UGT2B17: variants seen among roughly 807,000 people sequenced by gnomAD.
UGT2B17 encodes the protein UDP glucuronosyltransferase family 2 member B17, also known as UDP-glucuronosyltransferase 2B17.
UGT2B17 carries 21 observed loss-of-function variants against 48.2 expected under a neutral mutation model. The ratio of observed to expected loss-of-function variants is 0.44; its 90% CI spans 0.31 to 0.63. The LOEUF is 0.63. Ranked by LOEUF, UGT2B17 falls within the 20% of genes least tolerant of loss-of-function variation. The probability of loss-of-function intolerance (pLI) is 0.08; values close to 1 mark genes in which losing one functional copy is unlikely to be tolerated. For synonymous variants in UGT2B17, 146 were observed against 238.4 expected (o/e 0.61, Z 3.57); for missense variants, 402 against 696.1 (o/e 0.58, Z 4.75).
At chr4:68,561,336 G>T (rs754822413) in intron 3 of UGT2B17, among the ~76,000 whole-genome samples, 1 of 117,476 alleles carries the variant, frequency 8.5e-6, no homozygotes, top group Non-Finnish European at 1.7e-5. Flanking sequence ...AATCATTGAC[G>T]TTCATCAGTC....
Position 68,545,708 on chromosome 4 carries a change from A to C in UGT2B17, c.1313+4969T>G, listed in dbSNP as rs186651567. ...CTAATAAAGAAGAAAAGAGAGACGAATCAAATAGATGGAATAAAAATGATT... is the reference window on the plus strand; with the variant it reads ...CTAATAAAGAAGAAAAGAGAGACGACTCAAATAGATGGAATAAAAATGATT... On this transcript the variant is annotated intron_variant, in intron 6 of 6. Transcript: ENST00000317746. 7.7e-3 allele frequency among the ~76,000 whole-genome samples: 972 copies of C among 126,106 alleles called. 211 individuals carry two copies. Among genetic ancestry groups the C allele is most frequent in the African/African-American group, 0.025 (915 of 36,966 alleles). The allele number at this position is 126,106 out of a possible 152,430, so 82.7% of individuals were successfully genotyped here.
At position 68,557,990 on chromosome 4, in the gene UGT2B17, T is replaced by A. The variant is rs1560578799; in HGVS notation, c.1005+2547A>T. Among the ~76,000 whole-genome samples, 2 of 125,378 alleles carry A rather than the reference T, an allele frequency of 1.6e-5. 1 individual carries two copies. The highest frequency in any genetic ancestry group is 3.4e-5 in the Non-Finnish European group (2 of 59,172). 82.3% of individuals were successfully genotyped at this position (125,378 alleles called of 152,430 possible). On this transcript the variant is annotated intron_variant, in intron 4 of 6. Transcript: ENST00000317746. ...GAGAGGAATTCACCCAACTCATAGGTATTTGATGGTACAAATCTATGGCTT... is the reference window on the plus strand; with the variant it reads ...GAGAGGAATTCACCCAACTCATAGGAATTTGATGGTACAAATCTATGGCTT...
chr4:68,564,739 C>T (rs879314561), intron 3 of UGT2B17, among the ~76,000 whole-genome samples: 4 of 125,548 alleles, frequency 3.2e-5, no homozygotes, highest in Admixed American at 8.2e-5. Flanking sequence ...CTCACTCCGT[C>T]GCACAGGCTA....
chr4:68,537,675 A>T lies in UGT2B17; in HGVS notation c.1543T>A (p.Phe515Ile). 1.5e-6 allele frequency: 2 copies of T among 1,377,240 alleles called. 1 individual carries two copies. The highest frequency in any genetic ancestry group is 1.9e-6 in the Non-Finnish European group (2 of 1,053,614). The allele number at this position is 1,377,240 out of a possible 1,614,324, so 85.3% of individuals were successfully genotyped here. A position where few individuals can be genotyped will look rare whatever the true frequency, so the allele number is the denominator to read the frequency against. ...MIFMITKCCL[F>I]CFRKLAKTGK... Reference sequence around the variant, plus strand: ...GTTTTGGCAAGCTTTCGGAAACAAAACAGGCAACATTTTGTGATCATAAAT... The same window carrying T: ...GTTTTGGCAAGCTTTCGGAAACAAATCAGGCAACATTTTGTGATCATAAAT... Residue 515 changes from phenylalanine (F) to isoleucine (I), a missense_variant, in exon 7 of 7, where the codon TTT becomes ATT. By Grantham distance (21) the Phe-to-Ile change is conservative. This residue lies in a region of UGT2B17 where 156 missense variants were observed against 258.6 expected (regional missense o/e 0.60). Coordinates refer to ENST00000317746, the MANE Select transcript of UGT2B17 (RefSeq NM_001077.4).
Position 68,559,890 on chromosome 4 carries a change from T to C in UGT2B17, c.1005+647A>G, listed in dbSNP as rs575186943. Among the ~76,000 whole-genome samples the C allele has an allele frequency of 6.4e-5, 8 of 125,212 alleles. 2 individuals carry two copies. Among genetic ancestry groups the C allele is most frequent in the Non-Finnish European group, 1.3e-4 (8 of 59,400 alleles). 82.1% of individuals were successfully genotyped at this position (125,212 alleles called of 152,430 possible). On this transcript the variant is annotated intron_variant, in intron 4 of 6. Transcript: ENST00000317746. The stretch of plus-strand genomic sequence containing the variant: ...CCATTACATTTTTCTGCTTAAGACA[T>C]TAGCGGCACCCAAGCCAGCAGAGCA...
chr4:68,567,935 T>G lies in UGT2B17; in HGVS notation c.550A>C (p.Asn184His). 2 of 1,379,850 alleles carry G rather than the reference T, an allele frequency of 1.4e-6. 1 individual carries two copies. The highest frequency in any genetic ancestry group is 3.9e-4 in the Middle Eastern group (2 of 5,192). The allele number at this position is 1,379,850 out of a possible 1,614,324, so 85.5% of individuals were successfully genotyped here. Reference sequence around the variant, plus strand: ...GGAGGGAACAGAAATCCTCCACCATTCTTCTCAACTGTGTAGCCAACAGAG... The same window carrying G: ...GGAGGGAACAGAAATCCTCCACCATGCTTCTCAACTGTGTAGCCAACAGAG... ...RFSVGYTVEK[N>H]GGGFLFPPSY... Residue 184 changes from asparagine (N) to histidine (H), a missense_variant, in exon 2 of 7, where the codon AAT (asparagine) becomes CAT (histidine). Physicochemically the swap from Asn to His is moderately conservative, Grantham distance 68 (BLOSUM62 1). Coordinates refer to ENST00000317746, the MANE Select transcript of UGT2B17 (RefSeq NM_001077.4).
rs560827585 is a variant in UGT2B17 at position 68,552,517 on chromosome 4, C to A, written c.1006-606G>T. On this transcript the variant is annotated intron_variant, in intron 4 of 6. Transcript: ENST00000317746. Reference sequence around the variant, plus strand: ...AAACTGTCCCCCCACCACCTTGGGACACATGTCACCAGGACCCCCTGAGGC... The same window carrying A: ...AAACTGTCCCCCCACCACCTTGGGAAACATGTCACCAGGACCCCCTGAGGC... 1.6e-5 allele frequency among the ~76,000 whole-genome samples: 2 copies of A among 126,172 alleles called. 1 individual carries two copies. Among genetic ancestry groups the A allele is most frequent in the South Asian group, 7.4e-4 (2 of 2,694 alleles). 82.8% of individuals were successfully genotyped at this position (126,172 alleles called of 152,430 possible).
At chr4:68,549,084 C>T (rs1049124822) in intron 6 of UGT2B17, among the ~76,000 whole-genome samples, 1 of 124,336 alleles carries the variant, frequency 8.0e-6, no homozygotes, top group African/African-American at 2.7e-5. Context: ...TTTTCTGTTT[C>T]TTTGCTTTTT....
rs1731164880 is a variant in UGT2B17, at chr4:68,564,565, A to G, written c.873+1007T>C. On this transcript the variant is annotated intron_variant, in intron 3 of 6. Coordinates refer to ENST00000317746, the MANE Select transcript of UGT2B17 (RefSeq NM_001077.4). Reference sequence around the variant, plus strand: ...CGGCCTCCCAAAGTGCTGGGATTACAGGTGTAAGCCACCACGCCCGGCCCA... The same window carrying G: ...CGGCCTCCCAAAGTGCTGGGATTACGGGTGTAAGCCACCACGCCCGGCCCA... Among the ~76,000 whole-genome samples the G allele has an allele frequency of 1.6e-5, 2 of 124,762 alleles. 1 individual carries two copies. Among genetic ancestry groups the G allele is most frequent in the African/African-American group, 5.5e-5 (2 of 36,468 alleles). The allele number at this position is 124,762 out of a possible 152,430, so 81.8% of individuals were successfully genotyped here.
In UGT2B17 at chr4:68,556,330, C is replaced by T. The variant is rs185407600; in HGVS notation, c.1005+4207G>A. ...CTCACTGTTTTTGGTTTTCTCTCCCCTTTTAAAGGGTGTGAAATAGTAACA... is the reference window on the plus strand; with the variant it reads ...CTCACTGTTTTTGGTTTTCTCTCCCTTTTTAAAGGGTGTGAAATAGTAACA... On this transcript the variant is annotated intron_variant, in intron 4 of 6. Transcript: ENST00000317746. Among the ~76,000 whole-genome samples the T allele has an allele frequency of 1.6e-5, 2 of 122,426 alleles. 1 individual carries two copies. The highest frequency in any genetic ancestry group is 3.4e-5 in the Non-Finnish European group (2 of 58,128). 80.3% of individuals were successfully genotyped at this position (122,426 alleles called of 152,430 possible).
In UGT2B17 at chr4:68,547,092, AC is replaced by A. The variant is rs1310053979; in HGVS notation, c.1313+3584del. 5.2e-5 allele frequency among the ~76,000 whole-genome samples: 6 copies of A among 115,638 alleles called. 2 individuals are homozygous for A. The highest frequency in any genetic ancestry group is 1.1e-4 in the Non-Finnish European group (6 of 55,136). 75.9% of individuals were successfully genotyped at this position (115,638 alleles called of 152,430 possible). A position where few individuals can be genotyped will look rare whatever the true frequency, so the allele number is the denominator to read the frequency against. On this transcript the variant is annotated intron_variant, in intron 6 of 6. Coordinates refer to ENST00000317746, the MANE Select transcript of UGT2B17 (RefSeq NM_001077.4). Reference sequence around the variant, plus strand: ...AAAAAACTACTTGAATTCATATGGAACCAAAAAAGAGCCCGCATCACCAAGT... The same window carrying A: ...AAAAAACTACTTGAATTCATATGGAACAAAAAAGAGCCCGCATCACCAAGT...
At chr4:68,555,290 G>A (rs1730981373) in intron 4 of UGT2B17, among the ~76,000 whole-genome samples, 1 of 125,982 alleles carries the variant, frequency 7.9e-6, no homozygotes, top group Admixed American at 8.2e-5. Context: ...CTTCACTTGT[G>A]TAATTTTTAA....
In UGT2B17 at chr4:68,576,055, C is replaced by T. The variant is rs1164143022; in HGVS notation, c.-169G>A. Among the ~76,000 whole-genome samples, 2 of 124,780 alleles carry T rather than the reference C, an allele frequency of 1.6e-5. No individual in the cohort carries two copies. Among genetic ancestry groups the T allele is most frequent in the African/African-American group, 5.5e-5 (2 of 36,388 alleles). 81.9% of individuals were successfully genotyped at this position (124,780 alleles called of 152,430 possible). A position where few individuals can be genotyped will look rare whatever the true frequency, so the allele number is the denominator to read the frequency against. ...CTACGTGTTGATCTGGTGAGGTGTT[C>T]CACTGGGGCAATTTCCTACCCAGGA... On this transcript the variant is annotated 5_prime_UTR_variant, in exon 1 of 7. Transcript: ENST00000317746.
At position 68,557,534 on chromosome 4, in the gene UGT2B17, T is replaced by A. The variant is rs1457637391; in HGVS notation, c.1005+3003A>T. 1.6e-5 allele frequency among the ~76,000 whole-genome samples: 2 copies of A among 124,396 alleles called. 1 individual carries two copies. The highest frequency in any genetic ancestry group is 3.4e-5 in the Non-Finnish European group (2 of 58,880). The allele number at this position is 124,396 out of a possible 152,430, so 81.6% of individuals were successfully genotyped here. Reference sequence around the variant, plus strand: ...TGATCCTTTGTTTTGTTTTGTTTTTTTTTTTAGAGTGAAGGAATCTTTCTT... The same window carrying A: ...TGATCCTTTGTTTTGTTTTGTTTTTATTTTTAGAGTGAAGGAATCTTTCTT... On this transcript the variant is annotated intron_variant, in intron 4 of 6. Coordinates refer to ENST00000317746, the MANE Select transcript of UGT2B17 (RefSeq NM_001077.4).
Position 68,543,034 on chromosome 4 carries a change from A to C in UGT2B17, c.1314-5130T>G, listed in dbSNP as rs1190664787. Among the ~76,000 whole-genome samples the C allele has an allele frequency of 5.5e-5, 7 of 126,486 alleles. 1 individual carries two copies. Among genetic ancestry groups the C allele is most frequent in the Admixed American group, 2.4e-4 (3 of 12,454 alleles). The allele number at this position is 126,486 out of a possible 152,430, so 83.0% of individuals were successfully genotyped here. A position where few individuals can be genotyped will look rare whatever the true frequency, so the allele number is the denominator to read the frequency against. On this transcript the variant is annotated intron_variant, in intron 6 of 6. Transcript: ENST00000317746. ...TGGGGGCAGGGCATAACCAAACAAA[A>C]GGCAGCAGAAACCTCTGCAGTCTTA...
chr4:68,537,974 T>C, intron 6 of UGT2B17, 70 bp from the exon 7 acceptor site: 1 of 1,114,914 alleles, frequency 9.0e-7, no homozygotes, highest in Non-Finnish European at 1.2e-6. Context: ...AGTCTATGGA[T>C]GGTCTTTGAA....
Position 68,546,207 on chromosome 4 carries a change from C to A in UGT2B17, c.1313+4470G>T, listed in dbSNP as rs1238015878. Among the ~76,000 whole-genome samples the A allele has an allele frequency of 6.4e-5, 8 of 125,836 alleles. 2 individuals are homozygous for A. Among genetic ancestry groups the A allele is most frequent in the Non-Finnish European group, 1.3e-4 (8 of 59,520 alleles). The allele number at this position is 125,836 out of a possible 152,430, so 82.6% of individuals were successfully genotyped here. A position where few individuals can be genotyped will look rare whatever the true frequency, so the allele number is the denominator to read the frequency against. Reference sequence around the variant, plus strand: ...TACTGGCAAACTGAATCCAGCAGCACATCAAAAAGCTTATCCACCTTGACC... The same window carrying A: ...TACTGGCAAACTGAATCCAGCAGCAAATCAAAAAGCTTATCCACCTTGACC... On this transcript the variant is annotated intron_variant, in intron 6 of 6. Coordinates refer to ENST00000317746, the MANE Select transcript of UGT2B17 (RefSeq NM_001077.4).
intron 2 of UGT2B17, among the ~76,000 whole-genome samples, chr4:68,567,090 T>C (rs192989346): frequency 0.058 from 7,240 of 125,864 alleles, 1,781 homozygotes; most frequent in African/African-American, 0.19. Context: ...TATGTGCTCT[T>C]CCTTATTTTG....
chr4:68,563,869 G>A lies in UGT2B17; in HGVS notation c.873+1703C>T, dbSNP rs539266221. 1.2e-4 allele frequency among the ~76,000 whole-genome samples: 15 copies of A among 125,758 alleles called. 3 individuals carry two copies. The highest frequency in any genetic ancestry group is 4.1e-4 in the African/African-American group (15 of 36,830). The allele number at this position is 125,758 out of a possible 152,430, so 82.5% of individuals were successfully genotyped here. A position where few individuals can be genotyped will look rare whatever the true frequency, so the allele number is the denominator to read the frequency against. On this transcript the variant is annotated intron_variant, in intron 3 of 6. Coordinates refer to ENST00000317746, the MANE Select transcript of UGT2B17 (RefSeq NM_001077.4). ...GTATCTGTTCTCTAGGATTTTGCTAGGAAAATCAATCATTATTAAATGAAG... is the reference window on the plus strand; with the variant it reads ...GTATCTGTTCTCTAGGATTTTGCTAAGAAAATCAATCATTATTAAATGAAG...
Sources: allele counts gnomAD v4.1 joint callset (sites outside exome capture counted in the v4.1 genomes callset), GRCh38; gene constraint gnomAD v4.1.1; regional missense constraint gnomAD v4.1.1; transcripts MANE v1.5; gene names NCBI Gene and HGNC (gene_info 2026-07-23, HGNC 2026-07-21).